KY: variants seen among roughly 807,000 people sequenced by gnomAD.
KY encodes kyphoscoliosis peptidase.
In KY, 43 loss-of-function variants were observed where a neutral mutation model predicts 76.1. That is an observed-to-expected ratio of 0.57 (90% confidence interval 0.44 to 0.73). The LOEUF (loss-of-function observed/expected upper bound fraction) is 0.73, where lower values mean the gene tolerates loss of function less well. KY is among the 30% of genes least tolerant of loss of function. The pLI is 0.00. For missense variants in KY, 722 were observed against 828.9 expected, an observed-to-expected ratio of 0.87 and a Z score of 1.58; for synonymous variants, 277 against 326.2, an observed-to-expected ratio of 0.85 and a Z score of 1.63.
chr3:134,607,392 T>A (rs1959375933), intron 10 of KY: 59 of 985,482 alleles, frequency 6.0e-5, no homozygotes, highest in Non-Finnish European at 6.7e-5. Context: ...GCAATGTGGG[T>A]TGGAGCTCCC....
At chr3:134,617,695 C>T (rs1961814516) in intron 8 of KY, among the ~76,000 whole-genome samples, 1 of 152,154 alleles carries the variant, frequency 6.6e-6, no homozygotes, top group Admixed American at 6.6e-5. Flanking sequence ...TAAGGCAACA[C>T]ATGAGTTTGG....
intron 1 of KY, among the ~76,000 whole-genome samples, chr3:134,649,392 G>A (rs889248268): frequency 1.3e-5 from 2 of 152,150 alleles, no homozygotes; most frequent in African/African-American, 4.8e-5. Flanking sequence ...GAAGTGATGT[G>A]ATCAGAGAGG....
intron 9 of KY, among the ~76,000 whole-genome samples, chr3:134,609,925 A>C (rs1960065111): frequency 1.3e-5 from 2 of 152,230 alleles, no homozygotes; most frequent in South Asian, 4.1e-4. Context: ...GTCTGGGGGC[A>C]AATGCTGCAG....
rs1267055083 is a variant in KY, at chr3:134,604,220, G to A, written c.1345C>T (p.His449Tyr). Residue 449 changes from histidine to tyrosine, a missense_variant, in exon 11 of 11, where the codon CAC becomes TAC. Transcript: ENST00000423778. ...DMGVQLPAEL[H>Y]QPVGPSWFSE... ...AACCAGCTGGGGCCCACGGGCTGGT[G>A]AAGCTCAGCAGGCAGCTGGACACCC... 8 of 1,613,228 alleles carry A rather than the reference G, an allele frequency of 5.0e-6. No individual in the cohort carries two copies. Among genetic ancestry groups the A allele is most frequent in the African/African-American group, 2.7e-5 (2 of 74,928 alleles).
intron 8 of KY, chr3:134,613,188 C>T (rs942221997): frequency 5.2e-5 from 8 of 154,370 alleles, no homozygotes; most frequent in East Asian, 1.9e-4. Context: ...GTCCTCTGCT[C>T]AGAGCCACCT....
At chr3:134,642,431 C>T (rs1295552776) in intron 3 of KY, among the ~76,000 whole-genome samples, 1 of 152,186 alleles carries the variant, frequency 6.6e-6, no homozygotes, top group African/African-American at 2.4e-5. Flanking sequence ...TAATGCACAG[C>T]AGTTAACCAA....
At chr3:134,638,958 A>C (rs1280069251) in intron 3 of KY, among the ~76,000 whole-genome samples, 1 of 150,460 alleles carries the variant, frequency 6.6e-6, no homozygotes, top group Non-Finnish European at 1.5e-5. Context: ...ATGTGTGTGG[A>C]GGGGTCATGG....
intron 3 of KY, among the ~76,000 whole-genome samples, chr3:134,632,645 A>G (rs1964387848): frequency 6.6e-6 from 1 of 151,974 alleles, no homozygotes; most frequent in Non-Finnish European, 1.5e-5. Flanking sequence ...AATTCTTATT[A>G]CAGAAAAAAG....
At chr3:134,624,897 T>A (rs1963223339) in intron 6 of KY, among the ~76,000 whole-genome samples, 156 bp downstream of exon 6, 1 of 152,146 alleles carries the variant, frequency 6.6e-6, no homozygotes, top group Admixed American at 6.5e-5. Flanking sequence ...GCCTAGTGCC[T>A]TCTGTCCCCA....
In KY at chr3:134,603,577, C is replaced by T; in HGVS notation, c.*2G>A. On this transcript the variant is annotated 3_prime_UTR_variant, in exon 11 of 11. Transcript: ENST00000423778. ...TGGGAGGGTAAGACCGGGGCACAGCCCTCACTGGGCATTCACTTTGTATTT... is the reference window on the plus strand; with the variant it reads ...TGGGAGGGTAAGACCGGGGCACAGCTCTCACTGGGCATTCACTTTGTATTT... The T allele has an allele frequency of 6.4e-7, 1 of 1,569,576 alleles. No individual in the cohort carries two copies. Among genetic ancestry groups the T allele is most frequent in the South Asian group, 1.2e-5 (1 of 83,460 alleles).
chr3:134,621,278 A>G (rs1962570459), intron 6 of KY, among the ~76,000 whole-genome samples: 1 of 152,250 alleles, frequency 6.6e-6, no homozygotes, highest in Admixed American at 6.5e-5. Context: ...ATTTTGAAAA[A>G]AGAACACATT....
In KY at chr3:134,647,454, T is replaced by G. The variant is rs774084323; in HGVS notation, c.180A>C (p.Leu60Phe). 20 of 1,611,922 alleles carry G rather than the reference T, an allele frequency of 1.2e-5. No homozygotes were observed. The highest frequency in any genetic ancestry group is 1.6e-5 in the Non-Finnish European group (19 of 1,178,560). The stretch of plus-strand genomic sequence containing the variant: ...ATTTACCGTGAAAGTCATTTCCTTC[T>G]AATTTCTGCCATCTTCGGACTCCAT... ...VGNGVRRWQK[L>F]EGNDFHENLV... Residue 60 changes from leucine (L) to phenylalanine (F), a missense_variant, in exon 2 of 11, where the codon TTA becomes TTC. Physicochemically the swap from Leu to Phe is conservative, Grantham distance 22. This residue lies in a region of KY where 170 missense variants were observed against 148.1 expected (regional missense o/e 1.15). Coordinates refer to ENST00000423778, the MANE Select transcript of KY (RefSeq NM_178554.6).
intron 10 of KY, chr3:134,607,475 G>A (rs992880505): frequency 4.1e-5 from 40 of 985,592 alleles, no homozygotes; most frequent in Admixed American, 1.2e-4. Context: ...TGTCCTGGGC[G>A]GATGGAGGCC....
At chr3:134,647,290 T>G in intron 2 of KY, 145 bp downstream of exon 2, 2 of 657,232 alleles carry the variant, frequency 3.0e-6, no homozygotes, top group Non-Finnish European at 5.3e-6. Flanking sequence ...CAGTGGCCCT[T>G]AGAGGCCTGG....
chr3:134,607,001 T>C, intron 10 of KY: 1 of 982,970 alleles, frequency 1.0e-6, no homozygotes, highest in Non-Finnish European at 1.2e-6. Context: ...TACATAAGTA[T>C]CAGATATATG....
chr3:134,644,348 C>T (rs567849753), intron 2 of KY, among the ~76,000 whole-genome samples: 1 of 152,346 alleles, frequency 6.6e-6, no homozygotes, highest in South Asian at 2.1e-4. Flanking sequence ...CTAGTTCCTG[C>T]CATAGGCCAA....
In KY at chr3:134,603,278, C is replaced by A. The variant is rs987033013; in HGVS notation, c.*301G>T. On this transcript the variant is annotated 3_prime_UTR_variant, in exon 11 of 11. Transcript: ENST00000423778. The stretch of plus-strand genomic sequence containing the variant: ...CCTACAGCAACAACAACAGCAGCAG[C>A]ACTAATACGAGAAGGGGCATCTGGA... The A allele has an allele frequency of 1.1e-5, 3 of 261,352 alleles. No homozygotes were observed. Among genetic ancestry groups the A allele is most frequent in the Non-Finnish European group, 2.2e-5 (3 of 138,460 alleles). 16.2% of individuals were successfully genotyped at this position (261,352 alleles called of 1,614,324 possible).
chr3:134,603,679 C>T lies in KY; in HGVS notation c.1886G>A (p.Cys629Tyr). 1 of 1,613,886 alleles carries T rather than the reference C, an allele frequency of 6.2e-7. No homozygotes were observed. Among genetic ancestry groups the T allele is most frequent in the Non-Finnish European group, 8.5e-7 (1 of 1,179,824 alleles). The change falls in exon 11 of 11, where the codon TGC becomes TAC. Residue 629 changes from cysteine (C) to tyrosine (Y), a missense_variant. Coordinates refer to ENST00000423778, the MANE Select transcript of KY (RefSeq NM_178554.6). ...GACTTCCTGGCAGCCAGCTGTGCTG[C>T]AGCTTCCCTCCCAGTAGCCCTCGTG... Reference protein sequence around the residue: ...LNHEGYWEGSCSTAGCQEVYV... With the variant: ...LNHEGYWEGSYSTAGCQEVYV...
At chr3:134,606,615 C>A (rs966050749) in intron 10 of KY, among the ~76,000 whole-genome samples, 1 of 152,136 alleles carries the variant, frequency 6.6e-6, no homozygotes, top group Admixed American at 6.5e-5. Flanking sequence ...GTGTAGTGTC[C>A]GAACTCCTTG....
Sources: allele counts gnomAD v4.1 joint callset (sites outside exome capture counted in the v4.1 genomes callset), GRCh38; gene constraint gnomAD v4.1.1; regional missense constraint gnomAD v4.1.1; transcripts MANE v1.5; gene names NCBI Gene and HGNC (gene_info 2026-07-23, HGNC 2026-07-21).